Variants in CCDC88B observed in about 807,000 individuals in gnomAD.
CCDC88B encodes coiled-coil domain-containing protein 88B.
A neutral mutation model predicts 183.7 loss-of-function variants in CCDC88B; 138 were observed. That is an observed-to-expected ratio of 0.75 (90% CI 0.65 to 0.87). The LOEUF (loss-of-function observed/expected upper bound fraction) is 0.87, where lower values mean the gene tolerates loss of function less well. Among genes scored for constraint, CCDC88B ranks in the 40% least tolerant of loss-of-function variants. The pLI, the probability that CCDC88B is intolerant of heterozygous loss-of-function variation, is 0.00. For synonymous variants in CCDC88B, 835 were observed against 867.5 expected (o/e 0.96, Z 0.66); for missense variants, 1,822 against 1,965.6 (o/e 0.93, Z 1.38).
Position 64,355,220 on chromosome 11 carries a change from C to G in CCDC88B, c.4126C>G (p.Arg1376Gly). 1 of 1,505,154 alleles carries G rather than the reference C, an allele frequency of 6.6e-7. No homozygotes were observed. Among genetic ancestry groups the G allele is most frequent in the Non-Finnish European group, 8.9e-7 (1 of 1,129,922 alleles). The allele number at this position is 1,505,154 out of a possible 1,614,324, so 93.2% of individuals were successfully genotyped here. A position where few individuals can be genotyped will look rare whatever the true frequency, so the allele number is the denominator to read the frequency against. ...GTCCCCTTCCCCGGCACCCATGCGC[C>G]GGGCCCAGAGCTCCCTCTGCCTGCG... Reference protein sequence around the residue: ...TGSPSPAPMRRAQSSLCLRDE... With the variant: ...TGSPSPAPMRGAQSSLCLRDE... Residue 1376 changes from arginine (R) to glycine (G), a missense_variant, in exon 25 of 27, where the codon CGG becomes GGG. By Grantham distance (125) the Arg-to-Gly change is moderately radical. Coordinates refer to ENST00000356786, the MANE Select transcript of CCDC88B (RefSeq NM_032251.6).
In CCDC88B at chr11:64,351,180, G is replaced by T; in HGVS notation, c.2883G>T (p.Gly961=). The T allele has an allele frequency of 6.7e-7, 1 of 1,503,106 alleles. No homozygotes were observed. The highest frequency in any genetic ancestry group is 8.9e-7 in the Non-Finnish European group (1 of 1,127,934). 93.1% of individuals were successfully genotyped at this position (1,503,106 alleles called of 1,614,324 possible). A position where few individuals can be genotyped will look rare whatever the true frequency, so the allele number is the denominator to read the frequency against. Residue 961 remains glycine, a synonymous_variant, in exon 17 of 27, where the codon GGG becomes GGT. Coordinates refer to ENST00000356786, the MANE Select transcript of CCDC88B (RefSeq NM_032251.6). ...TGCAGCTGCGCCAGGGCCCCGCGGG[G>T]CTGGGGCCCAAAAAGCGTGCGGAGC... The part of the protein sequence containing the change: ...ELFQLRQGPA[G]LGPKKRAEPQ...
intron 14 of CCDC88B, chr11:64,349,027 A>T: frequency 4.2e-6 from 3 of 717,494 alleles, no homozygotes; most frequent in Non-Finnish European, 5.2e-6. Context: ...TTCACTGCGC[A>T]CATGAAGAAC....
chr11:64,350,561 C>T (rs1040057362), intron 16 of CCDC88B: 1 of 152,240 alleles, frequency 6.6e-6, no homozygotes, highest in Non-Finnish European at 1.5e-5. Flanking sequence ...TAGTGGGCGC[C>T]TGTAGTCCCA....
At position 64,344,715 on chromosome 11, in the gene CCDC88B, C is replaced by T; in HGVS notation, c.2174C>T (p.Ala725Val). The T allele has an allele frequency of 6.2e-7, 1 of 1,614,052 alleles. No individual in the cohort carries two copies. Among genetic ancestry groups the T allele is most frequent in the South Asian group, 1.1e-5 (1 of 91,082 alleles). Residue 725 changes from alanine to valine, a missense_variant, in exon 14 of 27, where the codon GCA (alanine) becomes GTA (valine). Coordinates refer to ENST00000356786, the MANE Select transcript of CCDC88B (RefSeq NM_032251.6). The surrounding 1 kb of genome is among the most constrained non-coding windows in gnomAD (Gnocchi z 4.5). ...GGGGAGAGCCTGGCCAGTGGTGTCGCAGAGCAGGAGGCCCTCAGGGAGGAG... is the reference window on the plus strand; with the variant it reads ...GGGGAGAGCCTGGCCAGTGGTGTCGTAGAGCAGGAGGCCCTCAGGGAGGAG... The part of the protein sequence containing the change: ...IPGESLASGV[A>V]EQEALREEVA...
At chr11:64,343,444 C>G in intron 11 of CCDC88B, 63 bp from the exon 12 acceptor site, 1 of 1,541,038 alleles carries the variant, frequency 6.5e-7, no homozygotes, top group Non-Finnish European at 8.8e-7. Flanking sequence ...AGTGACCCTC[C>G]GACCTACACA....
Position 64,344,604 on chromosome 11 carries a change from G to A in CCDC88B, c.2063G>A (p.Gly688Glu). The stretch of plus-strand genomic sequence containing the variant: ...AGAGAGCATGACCAGAGGCTGGAAG[G>A]GACGGTCAGGGACCCAGCCTGGCAA... The part of the protein sequence containing the change: ...EAREHDQRLE[G>E]TVRDPAWQKP... The change falls in exon 14 of 27, where the codon GGG (glycine) becomes GAG (glutamate). Residue 688 changes from glycine (G) to glutamate (E), a missense_variant. Transcript: ENST00000356786. The surrounding 1 kb of genome is among the most constrained non-coding windows in gnomAD (Gnocchi z 4.5). The A allele has an allele frequency of 1.2e-6, 2 of 1,611,718 alleles. No individual in the cohort carries two copies. The highest frequency in any genetic ancestry group is 1.7e-6 in the Non-Finnish European group (2 of 1,178,956).
At chr11:64,352,593 C>T (rs2036381041) in intron 19 of CCDC88B, 151 bp from the exon 20 acceptor site, 3 of 1,348,084 alleles carry the variant, frequency 2.2e-6, no homozygotes, top group African/African-American at 2.9e-5. Context: ...GAGTGGTGGG[C>T]ACCTGGCATG....
Position 64,342,043 on chromosome 11 carries a change from A to T in CCDC88B, c.725A>T (p.Glu242Val), listed in dbSNP as rs757421043. ...LEREPLCLRPEAPSRAPAEGP... is the reference protein window; with the variant it reads ...LEREPLCLRPVAPSRAPAEGP... ...CGAGAACCCCTCTGCTTGAGGCCTG[A>T]GGCTCCCTCTAGGGCTCCCGCCGAG... is the stretch of plus-strand genomic sequence containing the variant. The change falls in exon 8 of 27, where the codon GAG becomes GTG. Residue 242 changes from glutamate (E) to valine (V), a missense_variant. By Grantham distance (121) the Glu-to-Val change is moderately radical. Transcript: ENST00000356786. The T allele has an allele frequency of 1.2e-6, 2 of 1,612,108 alleles. No individual in the cohort carries two copies. The highest frequency in any genetic ancestry group is 2.2e-5 in the South Asian group (2 of 91,046).
intron 26 of CCDC88B, chr11:64,356,597 AC>A (rs1428119694): frequency 5.4e-6 from 1 of 183,600 alleles, no homozygotes; most frequent in African/African-American, 2.3e-5. Flanking sequence ...AAACAAAAAA[AC>A]ATAGTAGGTC....
Position 64,351,476 on chromosome 11 carries a change from A to G in CCDC88B, c.2959A>G (p.Asn987Asp). 3 of 1,586,626 alleles carry G rather than the reference A, an allele frequency of 1.9e-6. No individual in the cohort carries two copies. Among genetic ancestry groups the G allele is most frequent in the Non-Finnish European group, 2.6e-6 (3 of 1,173,596 alleles). The change falls in exon 18 of 27, where the codon AAT becomes GAT. Residue 987 changes from asparagine (N) to aspartate (D), a missense_variant and splice_region_variant. Transcript: ENST00000356786. ...NVRLIEVERSNAMLVAEKAAL... is the reference protein window; with the variant it reads ...NVRLIEVERSDAMLVAEKAAL... ...ATTGCTAACCCCCACTTCTGGGCAGAATGCGATGCTGGTGGCAGAGAAGGC... is the reference window on the plus strand; with the variant it reads ...ATTGCTAACCCCCACTTCTGGGCAGGATGCGATGCTGGTGGCAGAGAAGGC...
chr11:64,354,685 G>T (rs1314174963), intron 24 of CCDC88B, among the ~76,000 whole-genome samples: 1 of 29,630 alleles, frequency 3.4e-5, no homozygotes, highest in Non-Finnish European at 6.9e-5. Context: ...CCCTGCATGA[G>T]CCTCCGCCCC....
At chr11:64,355,717 A>C in intron 26 of CCDC88B, 89 bp downstream of exon 26, 1 of 1,283,908 alleles carries the variant, frequency 7.8e-7, no homozygotes. Flanking sequence ...TCATTCGACA[A>C]TGATCCTTTA....
chr11:64,348,640 G>T (rs2036209507), intron 14 of CCDC88B, among the ~76,000 whole-genome samples: 1 of 152,204 alleles, frequency 6.6e-6, no homozygotes, highest in Non-Finnish European at 1.5e-5. Flanking sequence ...AGGCTTGTAG[G>T]CTTGGTTTCC....
chr11:64,352,656 C>A (rs768404855), intron 19 of CCDC88B, 88 bp from the exon 20 acceptor site: 2 of 1,558,238 alleles, frequency 1.3e-6, no homozygotes, highest in South Asian at 1.2e-5. Context: ...AGGTGACAGA[C>A]CCCCCCGCCC....
intron 26 of CCDC88B, 100 bp from the exon 27 acceptor site, chr11:64,356,939 C>A: frequency 8.5e-7 from 1 of 1,175,828 alleles, no homozygotes; most frequent in African/African-American, 1.5e-5. Context: ...GGGGTATTGG[C>A]AGGTCGGGGG....
At position 64,343,762 on chromosome 11, in the gene CCDC88B, C is replaced by T. The variant is rs766675170; in HGVS notation, c.1319-16C>T. 3.9e-6 allele frequency: 6 copies of T among 1,552,978 alleles called. No individual in the cohort carries two copies. The highest frequency in any genetic ancestry group is 5.2e-6 in the Non-Finnish European group (6 of 1,147,406). ...GGCAGTAAAGGAGGGGTCCTGACCT[C>T]ATCTCTCATCCTCAGCACCCCTAGC... On this transcript the variant is annotated splice_polypyrimidine_tract_variant and intron_variant, in intron 12 of 26. Coordinates refer to ENST00000356786, the MANE Select transcript of CCDC88B (RefSeq NM_032251.6).
rs367832758 is a variant in CCDC88B, at chr11:64,341,720, G to T, written c.653G>T (p.Arg218Leu). The change falls in exon 7 of 27, where the codon CGG becomes CTG. Residue 218 changes from arginine (R) to leucine (L), a missense_variant. Physicochemically the swap from Arg to Leu is moderately radical, Grantham distance 102. Transcript: ENST00000356786. Reference protein sequence around the residue: ...SLMGTLSKLARERDLGAQRLA... With the variant: ...SLMGTLSKLALERDLGAQRLA... ...ATGGGGACACTGTCGAAGCTGGCAC[G>T]GGAGCGTGACCTGGGGGCCCAGGTA... 3.8e-6 allele frequency: 6 copies of T among 1,582,688 alleles called. No individual in the cohort carries two copies. The highest frequency in any genetic ancestry group is 2.7e-5 in the African/African-American group (2 of 73,560).
At position 64,349,544 on chromosome 11, in the gene CCDC88B, C is replaced by T. The variant is rs1854399196; in HGVS notation, c.2745-7C>T. 1 of 1,595,844 alleles carries T rather than the reference C, an allele frequency of 6.3e-7. No individual in the cohort carries two copies. On this transcript the variant is annotated splice_region_variant and splice_polypyrimidine_tract_variant and intron_variant, in intron 15 of 26. Transcript: ENST00000356786. ...GTGGGGCTGGGTGCTAAGGATTCTC[C>T]TGGCAGGTACCAGGGCTTGGAGCAG...
In CCDC88B at chr11:64,340,909, C is replaced by T. The variant is rs1461085591; in HGVS notation, c.209C>T (p.Ala70Val). The T allele has an allele frequency of 2.6e-6, 4 of 1,548,092 alleles. No homozygotes were observed. Among genetic ancestry groups the T allele is most frequent in the South Asian group, 2.5e-5 (2 of 80,782 alleles). The change falls in exon 3 of 27, where the codon GCC (alanine) becomes GTC (valine). Residue 70 changes from alanine to valine, a missense_variant and splice_region_variant. Coordinates refer to ENST00000356786, the MANE Select transcript of CCDC88B (RefSeq NM_032251.6). Reference protein sequence around the residue: ...ALLLRVLGIIAPSSRGGPRML... With the variant: ...ALLLRVLGIIVPSSRGGPRML... ...TCGAGCCCACCTCCGGCTCATAGTG[C>T]CCCCAGCTCCCGAGGGGGACCTCGG...
Sources: gnomAD v4.1 joint callset for allele counts (sites outside exome capture counted in the v4.1 genomes callset) on GRCh38, gnomAD v4.1.1 for gene constraint, Gnocchi (gnomAD v3.1) non-coding constraint, MANE v1.5 for transcripts, NCBI Gene and HGNC (gene_info 2026-07-23, HGNC 2026-07-21) for gene names.